ABCG1: variants seen among roughly 807,000 people sequenced by gnomAD.
ABCG1 encodes the protein ATP-binding cassette sub-family G member 1.
Under a neutral mutation model 69.2 loss-of-function variants are expected in ABCG1, and 29 were observed. The observed-to-expected ratio is 0.42, with a 90% CI of 0.31 to 0.57. ABCG1 has a LOEUF of 0.57. Among genes scored for constraint, ABCG1 ranks in the 20% least tolerant of loss-of-function variants. ABCG1 has a pLI of 0.15. For synonymous variants in ABCG1, 370 were observed against 374.8 expected (o/e 0.99, Z 0.15); for missense variants, 718 against 898.1 (o/e 0.80, Z 2.56).
At chr21:42,254,022 G>C (rs529302444) in intron 2 of ABCG1, among the ~76,000 whole-genome samples, 1 of 152,310 alleles carries the variant, frequency 6.6e-6, no homozygotes, top group East Asian at 1.9e-4. Flanking sequence ...GTGCTGCTTA[G>C]AGTTAGGCGC....
At chr21:42,260,023 T>A in intron 2 of ABCG1, 4 of 1,548,740 alleles carry the variant, frequency 2.6e-6, no homozygotes, top group Non-Finnish European at 3.5e-6. Context: ...TCAGTCCAAG[T>A]CCAGGGAGGG....
upstream of ABCG1, among the ~76,000 whole-genome samples, chr21:42,215,419 G>C (rs189607198): frequency 2.6e-5 from 4 of 152,324 alleles, no homozygotes; most frequent in Admixed American, 2.6e-4. Flanking sequence ...CCATAGGGAA[G>C]GCCAGATGGA....
chr21:42,273,286 T>C lies in ABCG1; in HGVS notation c.405-17T>C, dbSNP rs2068649295. 1.2e-6 allele frequency: 2 copies of C among 1,607,720 alleles called. No homozygotes were observed. Among genetic ancestry groups the C allele is most frequent in the African/African-American group, 1.3e-5 (1 of 74,854 alleles). On this transcript the variant is annotated splice_polypyrimidine_tract_variant and intron_variant, in intron 3 of 14. Transcript: ENST00000398449. The surrounding 1 kb of genome is among the most constrained non-coding windows in gnomAD (Gnocchi z 5.3). ...CAGGAGCCCGGCTGACGGCTTCTCCTGTCCTTGGTTCTGCAGGGAGACGGG... is the reference window on the plus strand; with the variant it reads ...CAGGAGCCCGGCTGACGGCTTCTCCCGTCCTTGGTTCTGCAGGGAGACGGG...
intron 1 of ABCG1, among the ~76,000 whole-genome samples, chr21:42,224,101 CTG>C (rs1383657584): frequency 6.6e-6 from 1 of 152,218 alleles, no homozygotes; most frequent in Non-Finnish European, 1.5e-5. Flanking sequence ...CCAGCGCGTT[CTG>C]TGTCTTTATT....
Position 42,273,412 on chromosome 21 carries a change from C to A in ABCG1, c.514C>A (p.Leu172Ile). ...GCAGGATGACATGCTGCTGCCGCATCTCACTGTGCAGGAGGCCATGATGGT... is the reference window on the plus strand; with the variant it reads ...GCAGGATGACATGCTGCTGCCGCATATCACTGTGCAGGAGGCCATGATGGT... ...IMQDDMLLPH[L>I]TVQEAMMVSA... Residue 172 changes from leucine (L) to isoleucine (I), a missense_variant, in exon 4 of 15, where the codon CTC (leucine) becomes ATC (isoleucine). Transcript: ENST00000398449. The surrounding 1 kb of genome is among the most constrained non-coding windows in gnomAD (Gnocchi z 5.3). The A allele has an allele frequency of 1.2e-6, 2 of 1,613,894 alleles. No individual in the cohort carries two copies.
chr21:42,261,237 C>T (rs2068407056), intron 2 of ABCG1, among the ~76,000 whole-genome samples: 1 of 151,550 alleles, frequency 6.6e-6, no homozygotes, highest in South Asian at 2.1e-4. Context: ...CCAGGCAGCT[C>T]TGGAGTCCTG....
chr21:42,265,242 G>A (rs1055034983), intron 2 of ABCG1, among the ~76,000 whole-genome samples: 4 of 152,170 alleles, frequency 2.6e-5, no homozygotes, highest in African/African-American at 4.8e-5. Flanking sequence ...CAGCAGCCCC[G>A]GGTGACGCTT....
chr21:42,293,368 CCACACTA>C (rs1402684817), intron 13 of ABCG1, among the ~76,000 whole-genome samples: 23 of 140,676 alleles, frequency 1.6e-4, no homozygotes, highest in African/African-American at 5.0e-4. Context: ...TACACACACA[CCACACTA>C]CACACTACAC....
Position 42,287,787 on chromosome 21 carries a change from A to C in ABCG1, c.974-102A>C. On this transcript the variant is annotated intron_variant, in intron 8 of 14. Coordinates refer to ENST00000398449, the MANE Select transcript of ABCG1 (RefSeq NM_016818.3). The surrounding 1 kb of genome is among the most constrained non-coding windows in gnomAD (Gnocchi z 6.2). ...TAGCACCGCCACGCAGCATCTATGT[A>C]ATCGCTTTAAAACATTCCCACTTGA... The C allele has an allele frequency of 1.6e-6, 2 of 1,215,994 alleles. No homozygotes were observed. Among genetic ancestry groups the C allele is most frequent in the Non-Finnish European group, 2.3e-6 (2 of 874,146 alleles). The allele number at this position is 1,215,994 out of a possible 1,614,324, so 75.3% of individuals were successfully genotyped here.
chr21:42,275,533 G>A (rs1028155803), intron 4 of ABCG1, among the ~76,000 whole-genome samples: 4 of 152,176 alleles, frequency 2.6e-5, no homozygotes, highest in East Asian at 1.9e-4. Flanking sequence ...CAGCTCCTGC[G>A]TCTTGGGTAG....
At chr21:42,204,684 T>C (rs1489344514) in intron 2 of ABCG1, among the ~76,000 whole-genome samples, 3 of 152,210 alleles carry the variant, frequency 2.0e-5, no homozygotes, top group African/African-American at 7.2e-5. Flanking sequence ...ATGAGGGCCA[T>C]TGGTCTGCAG....
chr21:42,220,326 C>G (rs1479525926), intron 1 of ABCG1, among the ~76,000 whole-genome samples: 4 of 152,230 alleles, frequency 2.6e-5, no homozygotes, highest in African/African-American at 9.6e-5. Flanking sequence ...CTCACCCCGC[C>G]CCTCCCCTGT....
Position 42,288,156 on chromosome 21 carries a change from G to A in ABCG1, c.1123-55G>A. On this transcript the variant is annotated intron_variant, in intron 9 of 14. Transcript: ENST00000398449. The surrounding 1 kb of genome is among the most constrained non-coding windows in gnomAD (Gnocchi z 4.8). ...CATGAGAGCTCTTTCCGAGCAAGAAGGAGCCGTGGCTCCGGACTGGCTTTC... is the reference window on the plus strand; with the variant it reads ...CATGAGAGCTCTTTCCGAGCAAGAAAGAGCCGTGGCTCCGGACTGGCTTTC... 1 of 1,611,034 alleles carries A rather than the reference G, an allele frequency of 6.2e-7. No homozygotes were observed. The highest frequency in any genetic ancestry group is 1.1e-5 in the South Asian group (1 of 91,032).
intron 2 of ABCG1, among the ~76,000 whole-genome samples, chr21:42,243,447 CGTGTGTGTGTGTGTGT>C (rs869095111): frequency 4.9e-5 from 4 of 81,512 alleles, no homozygotes; most frequent in Non-Finnish European, 9.8e-5. Flanking sequence ...TGTGTGTGCG[CGTGTGTGTGTGTGTGT>C]GTGTGTGTGT....
chr21:42,244,839 G>A (rs1000103598), intron 2 of ABCG1, among the ~76,000 whole-genome samples: 9 of 152,346 alleles, frequency 5.9e-5, no homozygotes, highest in Middle Eastern at 3.4e-3. Context: ...CTTACAAAGG[G>A]AACGACCGTA....
In ABCG1 at chr21:42,276,815, G is replaced by T. The variant is rs2068720090; in HGVS notation, c.538-80G>T. The stretch of plus-strand genomic sequence containing the variant: ...GCTGCATCTTGGCTAGCTGCACCGT[G>T]GCCTGCAGTGCGGGCATGAGGCTCA... On this transcript the variant is annotated intron_variant, in intron 4 of 14. Coordinates refer to ENST00000398449, the MANE Select transcript of ABCG1 (RefSeq NM_016818.3). The surrounding 1 kb of genome is among the most constrained non-coding windows in gnomAD (Gnocchi z 5.3). 3 of 1,430,464 alleles carry T rather than the reference G, an allele frequency of 2.1e-6. No individual in the cohort carries two copies. In the Admixed American group the frequency reaches 5.1e-5, roughly 24 times the overall value. The allele number at this position is 1,430,464 out of a possible 1,614,324, so 88.6% of individuals were successfully genotyped here.
intron 2 of ABCG1, among the ~76,000 whole-genome samples, chr21:42,248,684 T>C (rs1248453916): frequency 6.6e-6 from 1 of 151,626 alleles, no homozygotes; most frequent in Non-Finnish European, 1.5e-5. Context: ...GCCCAGGAGT[T>C]CGAGAGCAGC....
At chr21:42,272,109 A>G (rs1048503043) in intron 3 of ABCG1, among the ~76,000 whole-genome samples, 1 of 152,228 alleles carries the variant, frequency 6.6e-6, no homozygotes, top group Non-Finnish European at 1.5e-5. Context: ...AAAAATGGCA[A>G]ATATCACCCT....
At position 42,219,987 on chromosome 21, in the gene ABCG1, C is replaced by T. The variant is rs1208282192; in HGVS notation, c.42+683C>T. On this transcript the variant is annotated intron_variant, in intron 1 of 14. Coordinates refer to ENST00000398449, the MANE Select transcript of ABCG1 (RefSeq NM_016818.3). This position sits in a 1 kb window ranked among gnomAD's most constrained non-coding sequence, Gnocchi z 5.3. ...GGGGACAGGGATGCGCATTTCACTTCCCCGAGCTCCGGAGAGGGATGGCGG... is the reference window on the plus strand; with the variant it reads ...GGGGACAGGGATGCGCATTTCACTTTCCCGAGCTCCGGAGAGGGATGGCGG... 3 of 1,553,110 alleles carry T rather than the reference C, an allele frequency of 1.9e-6. No homozygotes were observed. In the Admixed American group the frequency reaches 5.8e-5, roughly 30 times the overall value.
Sources: gnomAD v4.1 joint callset for allele counts (sites outside exome capture counted in the v4.1 genomes callset) on GRCh38, gnomAD v4.1.1 for gene constraint, Gnocchi (gnomAD v3.1) non-coding constraint, MANE v1.5 for transcripts, NCBI Gene and HGNC (gene_info 2026-07-23, HGNC 2026-07-21) for gene names.